Variants in AFF3 observed in about 807,000 individuals in gnomAD.
The protein encoded by AFF3 is ALF transcription elongation factor 3.
A neutral mutation model predicts 129.7 loss-of-function variants in AFF3; 32 were observed. The ratio of observed to expected loss-of-function variants is 0.25; its 90% CI spans 0.19 to 0.33. The LOEUF is 0.33. Among genes scored for constraint, AFF3 ranks in the 10% least tolerant of loss-of-function variants. AFF3 has a pLI of 1.00. For missense variants in AFF3, 1,373 were observed against 1,592.0 expected (o/e 0.86, Z 2.34); for synonymous variants, 644 against 635.4 (o/e 1.01, Z -0.20).
At chr2:100,120,195 G>T (rs937102882) in intron 2 of AFF3, among the ~76,000 whole-genome samples, 3 of 152,200 alleles carry the variant, frequency 2.0e-5, no homozygotes, top group African/African-American at 7.2e-5. Flanking sequence ...GTGTATGCCT[G>T]TGAAAAATCA....
intron 4 of AFF3, among the ~76,000 whole-genome samples, chr2:100,063,252 C>CA (rs33964775): frequency 0.7 from 70,930 of 101,686 alleles, 25,208 homozygotes; most frequent in African/African-American, 0.8. Flanking sequence ...AACTCCATCT[C>CA]AAAAAAAAAA....
At chr2:99,978,179 C>A (rs1408454902) in intron 7 of AFF3, among the ~76,000 whole-genome samples, 1 of 152,134 alleles carries the variant, frequency 6.6e-6, no homozygotes, top group East Asian at 1.9e-4. Flanking sequence ...GAAACAAAAT[C>A]ATCTGAAAAG....
intron 7 of AFF3, among the ~76,000 whole-genome samples, chr2:99,860,571 C>CA: frequency 2.0e-5 from 1 of 49,804 alleles, no homozygotes; most frequent in Non-Finnish European, 5.2e-5. Flanking sequence ...AAAAAACAAA[C>CA]AAAAAAATTA....
At position 99,780,476 on chromosome 2, in the gene AFF3, T is replaced by C. The variant is rs192638296; in HGVS notation, c.922-28175A>G. ...TACAATCACTTCCCTTTTCCAGATA[T>C]ACTTATGTTCTGGATGATCTCATCC... On this transcript the variant is annotated intron_variant, in intron 8 of 24. Transcript: ENST00000672756. Among the ~76,000 whole-genome samples, 11 of 152,286 alleles carry C rather than the reference T, an allele frequency of 7.2e-5. No individual in the cohort carries two copies. The East Asian group carries it at 2.1e-3, about 29-fold the overall frequency.
intron 7 of AFF3, among the ~76,000 whole-genome samples, chr2:99,896,619 G>GTTTT (rs1558955546): frequency 2.3e-5 from 1 of 44,186 alleles, no homozygotes; most frequent in South Asian, 9.2e-4. Flanking sequence ...CTGTCAAAAT[G>GTTTT]CTTTTTTTTT....
chr2:100,049,554 T>C (rs1686116306), intron 4 of AFF3, among the ~76,000 whole-genome samples: 1 of 152,146 alleles, frequency 6.6e-6, no homozygotes, highest in Admixed American at 6.5e-5. Flanking sequence ...CACTAGATAT[T>C]ATTATATTCA....
chr2:99,781,266 C>T (rs972829016), intron 8 of AFF3, among the ~76,000 whole-genome samples: 9 of 152,196 alleles, frequency 5.9e-5, no homozygotes, highest in Non-Finnish European at 2.9e-5. Flanking sequence ...AGGGCTTCCC[C>T]GTCTGCCCTA....
chr2:100,120,789 T>A (rs918159541), intron 2 of AFF3, among the ~76,000 whole-genome samples: 2 of 151,818 alleles, frequency 1.3e-5, no homozygotes, highest in Non-Finnish European at 2.9e-5. Flanking sequence ...CATGCCACCA[T>A]AACTGGCTAA....
chr2:100,064,825 G>A (rs185530692), intron 4 of AFF3, among the ~76,000 whole-genome samples: 7 of 152,234 alleles, frequency 4.6e-5, no homozygotes, highest in South Asian at 4.1e-4. Flanking sequence ...AAGCATCTAC[G>A]CTGTTCTCTT....
intron 24 of AFF3, among the ~76,000 whole-genome samples, chr2:99,552,866 TTC>T (rs1168817617): frequency 1.3e-5 from 2 of 152,222 alleles, no homozygotes; most frequent in Non-Finnish European, 2.9e-5. Flanking sequence ...CATTTGTCCT[TTC>T]TGTTTTGTCC....
At chr2:99,849,965 G>C (rs1047157919) in intron 7 of AFF3, among the ~76,000 whole-genome samples, 3 of 152,208 alleles carry the variant, frequency 2.0e-5, no homozygotes, top group African/African-American at 7.2e-5. Context: ...AAGTGAATAA[G>C]ACAGACAAAA....
Position 99,735,786 on chromosome 2 carries a change from C to A in AFF3, c.1039+8318G>T, listed in dbSNP as rs1233754723. 4.6e-5 allele frequency among the ~76,000 whole-genome samples: 7 copies of A among 152,224 alleles called. No individual in the cohort carries two copies. The East Asian group carries it at 1.2e-3, about 25-fold the overall frequency. On this transcript the variant is annotated intron_variant, in intron 10 of 24. Transcript: ENST00000672756. Reference sequence around the variant, plus strand: ...GGGATTACAGGCGTGAGCCACTGCACCCAGCTTCTAGTATGAGTATTTCAG... The same window carrying A: ...GGGATTACAGGCGTGAGCCACTGCAACCAGCTTCTAGTATGAGTATTTCAG...
At chr2:99,732,752 T>A (rs570657563) in intron 10 of AFF3, among the ~76,000 whole-genome samples, 1 of 152,188 alleles carries the variant, frequency 6.6e-6, no homozygotes, top group African/African-American at 2.4e-5. Context: ...AAGACTTCCA[T>A]ATGGCCAACT....
intron 7 of AFF3, among the ~76,000 whole-genome samples, chr2:99,985,575 C>G (rs368712491): frequency 2.0e-5 from 3 of 152,268 alleles, no homozygotes; most frequent in African/African-American, 7.2e-5. Context: ...TTAATGGAAC[C>G]ACCCCACTAC....
At chr2:100,133,165 T>C (rs1271332923) in intron 1 of AFF3, among the ~76,000 whole-genome samples, 1 of 151,454 alleles carries the variant, frequency 6.6e-6, no homozygotes, top group East Asian at 2.0e-4. Context: ...CTTTAGGAGG[T>C]TGAGGTGGGA....
At chr2:99,738,667 G>A (rs1019371088) in intron 10 of AFF3, among the ~76,000 whole-genome samples, 1 of 152,084 alleles carries the variant, frequency 6.6e-6, no homozygotes, top group Non-Finnish European at 1.5e-5. Flanking sequence ...TCCTGTATCA[G>A]TATTCCGATC....
chr2:99,566,269 T>C (rs1675957305), intron 19 of AFF3, among the ~76,000 whole-genome samples: 1 of 151,624 alleles, frequency 6.6e-6, no homozygotes, highest in South Asian at 2.1e-4. Flanking sequence ...TTTTTTGTTG[T>C]TGTTAATATT....
At chr2:99,867,665 C>T (rs79290818) in intron 7 of AFF3, among the ~76,000 whole-genome samples, 2,202 of 151,808 alleles carry the variant, frequency 0.015, 60 homozygotes, top group African/African-American at 0.051. Flanking sequence ...TGCAGGTGTT[C>T]GGAATGTTCC....
chr2:99,835,657 G>A (rs574359568), intron 8 of AFF3, among the ~76,000 whole-genome samples: 10 of 152,170 alleles, frequency 6.6e-5, no homozygotes, highest in Admixed American at 1.3e-4. Context: ...TTTCCTCCTC[G>A]TCCATCCCAC....
Sources: gnomAD v4.1 joint callset for allele counts (sites outside exome capture counted in the v4.1 genomes callset) on GRCh38, gnomAD v4.1.1 for gene constraint, MANE v1.5 for transcripts, NCBI Gene and HGNC (gene_info 2026-07-23, HGNC 2026-07-21) for gene names.